Variants in ODAD3 observed in about 807,000 individuals in gnomAD.
ODAD3 encodes the protein outer dynein arm-docking complex subunit 3.
Under a neutral mutation model 70.9 loss-of-function variants are expected in ODAD3, and 57 were observed. The observed-to-expected ratio is 0.80, with a 90% CI of 0.65 to 1.00. ODAD3 has a LOEUF of 1.00. Ranked by LOEUF, ODAD3 falls within the 50% of genes least tolerant of loss-of-function variation. ODAD3 has a pLI of 0.00. For synonymous variants in ODAD3, 327 were observed against 315.9 expected (o/e 1.04, Z -0.37); for missense variants, 797 against 763.9 (o/e 1.04, Z -0.51).
At position 11,425,507 on chromosome 19, in the gene ODAD3, GTGTGTATATA is replaced by G. The variant is rs1454833298; in HGVS notation, c.963+627_963+636del. ...TGTATATATGTATATATGTATATAT[GTGTGTATATA>G]TGTATATATGTATATATGTGTGTAT... On this transcript the variant is annotated intron_variant, in intron 7 of 12. Coordinates refer to ENST00000356392, the MANE Select transcript of ODAD3 (RefSeq NM_145045.5). Among the ~76,000 whole-genome samples the G allele has an allele frequency of 1.4e-3, 190 of 139,114 alleles. 7 individuals carry two copies. The highest frequency in any genetic ancestry group is 4.7e-3 in the African/African-American group (176 of 37,802). The allele number at this position is 139,114 out of a possible 152,430, so 91.3% of individuals were successfully genotyped here.
rs1421436313 is a variant in ODAD3, at chr19:11,435,076, C to T, written c.-60G>A. ...GGGGATAACTAGGAGTCAGTCGCCC[C>T]TGTCAGGGATCCGTCAGCTCGGATT... On this transcript the variant is annotated 5_prime_UTR_variant, in exon 1 of 13. Coordinates refer to ENST00000356392, the MANE Select transcript of ODAD3 (RefSeq NM_145045.5). The T allele has an allele frequency of 2.6e-6, 4 of 1,536,328 alleles. No homozygotes were observed. The highest frequency in any genetic ancestry group is 1.4e-5 in the African/African-American group (1 of 72,640).
intron 1 of ODAD3, among the ~76,000 whole-genome samples, chr19:11,431,942 C>CA (rs71164201): frequency 0.34 from 21,518 of 63,914 alleles, 3,253 homozygotes; most frequent in East Asian, 0.43. Context: ...GACTCTGCCT[C>CA]AAAAAAAAAA....
chr19:11,422,350 G>C lies in ODAD3; in HGVS notation c.1434+121C>G. The C allele has an allele frequency of 7.9e-7, 1 of 1,263,422 alleles. No individual in the cohort carries two copies. Among genetic ancestry groups the C allele is most frequent in the Non-Finnish European group, 1.1e-6 (1 of 940,156 alleles). 78.3% of individuals were successfully genotyped at this position (1,263,422 alleles called of 1,614,324 possible). ...TGTGGGCGGGGCCTCTGACGTCCGG[G>C]ACAGAGGATGTGGCAGGCCACGTTC... On this transcript the variant is annotated intron_variant, in intron 10 of 12. Coordinates refer to ENST00000356392, the MANE Select transcript of ODAD3 (RefSeq NM_145045.5). The surrounding 1 kb of genome is among the most constrained non-coding windows in gnomAD (Gnocchi z 4.6).
Position 11,425,687 on chromosome 19 carries a change from A to AAAC in ODAD3, c.963+454_963+456dup, listed in dbSNP as rs1555722766. 7.4e-5 allele frequency among the ~76,000 whole-genome samples: 11 copies of AAAC among 149,326 alleles called. 1 individual carries two copies. The highest frequency in any genetic ancestry group is 5.9e-4 in the East Asian group (3 of 5,088). ...TATATATATGCAAAAAAAACCTATC[A>AAAC]AACAACAACTACAACAACAACAACC... On this transcript the variant is annotated intron_variant, in intron 7 of 12. Coordinates refer to ENST00000356392, the MANE Select transcript of ODAD3 (RefSeq NM_145045.5).
chr19:11,425,124 T>C (rs1216433249), intron 7 of ODAD3, among the ~76,000 whole-genome samples: 8 of 134,600 alleles, frequency 5.9e-5, no homozygotes, highest in East Asian at 2.3e-4. Flanking sequence ...TATATGTACA[T>C]ATGTGTATAT....
chr19:11,426,989 C>T lies in ODAD3; in HGVS notation c.496G>A (p.Ala166Thr). The T allele has an allele frequency of 6.2e-7, 1 of 1,605,216 alleles. No individual in the cohort carries two copies. Among genetic ancestry groups the T allele is most frequent in the Non-Finnish European group, 8.5e-7 (1 of 1,179,320 alleles). Residue 166 changes from alanine to threonine, a missense_variant, in exon 4 of 13, where the codon GCC becomes ACC. Physicochemically the swap from Ala to Thr is moderately conservative, Grantham distance 58. Coordinates refer to ENST00000356392, the MANE Select transcript of ODAD3 (RefSeq NM_145045.5). ...CGCAACACCACCTGGTGCCGCAGGG[C>T]GTTCTGCTGCTTCACCTTCTCCCTC... is the stretch of plus-strand genomic sequence containing the variant. ...RLREKVKQQN[A>T]LRHQVVLRQR... is the part of the protein sequence containing the mutation.
intron 3 of ODAD3, among the ~76,000 whole-genome samples, chr19:11,430,349 G>A (rs1969476632): frequency 6.6e-6 from 1 of 151,950 alleles, no homozygotes; most frequent in South Asian, 2.1e-4. Flanking sequence ...TGTTGGTCAG[G>A]TTGGTCTTGA....
intron 7 of ODAD3, among the ~76,000 whole-genome samples, chr19:11,425,287 ATATGTGTATATATGTG>A (rs1349024306): frequency 1.0e-4 from 14 of 139,706 alleles, no homozygotes; most frequent in South Asian, 2.2e-4. Context: ...GTATATGTAC[ATATGTGTATATATGTG>A]TATGTGTACA....
chr19:11,428,316 A>G (rs769022022), intron 3 of ODAD3, among the ~76,000 whole-genome samples: 8 of 151,998 alleles, frequency 5.3e-5, no homozygotes, highest in Non-Finnish European at 1.2e-4. Flanking sequence ...ATCTTGGCTC[A>G]CTGCAACCTC....
Position 11,425,299 on chromosome 19 carries a change from A to G in ODAD3, c.963+845T>C, listed in dbSNP as rs867101474. Among the ~76,000 whole-genome samples, 155 of 126,478 alleles carry G rather than the reference A, an allele frequency of 1.2e-3. 12 individuals carry two copies. The highest frequency in any genetic ancestry group is 3.5e-3 in the East Asian group (13 of 3,670). 83.0% of individuals were successfully genotyped at this position (126,478 alleles called of 152,430 possible). ...TGTGTATATGTACATATGTGTATAT[A>G]TGTGTATGTGTACATATGTGTATAT... On this transcript the variant is annotated intron_variant, in intron 7 of 12. Coordinates refer to ENST00000356392, the MANE Select transcript of ODAD3 (RefSeq NM_145045.5).
chr19:11,423,675 T>G (rs527380254), intron 8 of ODAD3, among the ~76,000 whole-genome samples: 1 of 152,196 alleles, frequency 6.6e-6, no homozygotes, highest in East Asian at 1.9e-4. Context: ...CTAGGGGTTT[T>G]GCTGCGAAGG....
At position 11,430,908 on chromosome 19, in the gene ODAD3, G is replaced by T; in HGVS notation, c.357C>A (p.Asp119Glu). ...CCCCTTTGCCCCTTACCTTGAGCAG[G>T]TCCAGCAGCTTTAGTTCCAGTGCCT... ...ETKALELKLL[D>E]LLKGDEKVVQ... Residue 119 changes from aspartate to glutamate, a missense_variant, in exon 2 of 13, where the codon GAC (aspartate) becomes GAA (glutamate). Physicochemically the swap from Asp to Glu is conservative, Grantham distance 45 (BLOSUM62 2). Transcript: ENST00000356392. 6.2e-7 allele frequency: 1 copy of T among 1,614,026 alleles called. No individual in the cohort carries two copies. The highest frequency in any genetic ancestry group is 8.5e-7 in the Non-Finnish European group (1 of 1,179,998).
In ODAD3 at chr19:11,430,934, T is replaced by C. The variant is rs1969490120; in HGVS notation, c.331A>G (p.Lys111Glu). The C allele has an allele frequency of 1.2e-6, 2 of 1,614,076 alleles. No individual in the cohort carries two copies. Among genetic ancestry groups the C allele is most frequent in the Non-Finnish European group, 1.7e-6 (2 of 1,180,022 alleles). Residue 111 changes from lysine (K) to glutamate (E), a missense_variant, in exon 2 of 13, where the codon AAG becomes GAG. Transcript: ENST00000356392. Reference sequence around the variant, plus strand: ...TCCAGCAGCTTTAGTTCCAGTGCCTTAGTCTCCTTGCGGAGCTGACTGATG... The same window carrying C: ...TCCAGCAGCTTTAGTTCCAGTGCCTCAGTCTCCTTGCGGAGCTGACTGATG... ...ETISQLRKET[K>E]ALELKLLDLL...
At chr19:11,425,535 GTGTGTATGTATGTA>G (rs1969335633) in intron 7 of ODAD3, among the ~76,000 whole-genome samples, 1 of 136,318 alleles carries the variant, frequency 7.3e-6, no homozygotes, top group Non-Finnish European at 1.5e-5. Context: ...ATGTATATAT[GTGTGTATGTATGTA>G]TATATGTATA....
At position 11,425,571 on chromosome 19, in the gene ODAD3, G is replaced by A. The variant is rs112253421; in HGVS notation, c.963+573C>T. 5.4e-3 allele frequency among the ~76,000 whole-genome samples: 680 copies of A among 125,210 alleles called. 46 individuals carry two copies. The highest frequency in any genetic ancestry group is 0.025 in the African/African-American group (601 of 24,262). 82.1% of individuals were successfully genotyped at this position (125,210 alleles called of 152,430 possible). A position where few individuals can be genotyped will look rare whatever the true frequency, so the allele number is the denominator to read the frequency against. Reference sequence around the variant, plus strand: ...TGTATATATGTATATATGTGTGTATGTATGTATATATGTATGTATATGTGT... The same window carrying A: ...TGTATATATGTATATATGTGTGTATATATGTATATATGTATGTATATGTGT... On this transcript the variant is annotated intron_variant, in intron 7 of 12. Transcript: ENST00000356392.
intron 11 of ODAD3, 38 bp downstream of exon 11, chr19:11,421,639 C>G: frequency 6.3e-7 from 1 of 1,593,894 alleles, no homozygotes; most frequent in Non-Finnish European, 8.6e-7. Context: ...AGCCCTACTC[C>G]TAGATCTCTG....
rs938305782 is a variant in ODAD3, at chr19:11,424,122, G to T, written c.964-93C>A. On this transcript the variant is annotated intron_variant, in intron 7 of 12. Coordinates refer to ENST00000356392, the MANE Select transcript of ODAD3 (RefSeq NM_145045.5). The stretch of plus-strand genomic sequence containing the variant: ...GGGGATCCAGATAGGGGCCCGCGAG[G>T]AACAGGGCTCAAACTGGAGGGAAGG... 6.9e-6 allele frequency: 10 copies of T among 1,457,886 alleles called. No individual in the cohort carries two copies. In the African/African-American group the frequency reaches 9.7e-5, roughly 14 times the overall value. The allele number at this position is 1,457,886 out of a possible 1,614,324, so 90.3% of individuals were successfully genotyped here. A position where few individuals can be genotyped will look rare whatever the true frequency, so the allele number is the denominator to read the frequency against.
chr19:11,435,146 G>C, upstream of ODAD3: 1 of 1,445,296 alleles, frequency 6.9e-7, no homozygotes, highest in Non-Finnish European at 9.1e-7. Context: ...AGGTGGTTGC[G>C]CTCCGCATCT....
upstream of ODAD3, chr19:11,435,418 G>A (rs1969658909): frequency 5.3e-6 from 2 of 374,132 alleles, no homozygotes; most frequent in Non-Finnish European, 1.0e-5. Context: ...TTTCCGGCTT[G>A]AGAAGCCGCC....
Sources: gnomAD v4.1 joint callset for allele counts (sites outside exome capture counted in the v4.1 genomes callset) on GRCh38, gnomAD v4.1.1 for gene constraint, Gnocchi (gnomAD v3.1) non-coding constraint, MANE v1.5 for transcripts, NCBI Gene and HGNC (gene_info 2026-07-23, HGNC 2026-07-21) for gene names.